Variants in ASXL2 observed in about 807,000 individuals in gnomAD.
ASXL2 encodes the protein ASXL transcriptional regulator 2.
A neutral mutation model predicts 122.0 loss-of-function variants in ASXL2; 23 were observed. The observed-to-expected ratio is 0.19, with a 90% confidence interval of 0.14 to 0.27. The LOEUF (loss-of-function observed/expected upper bound fraction) is 0.27, where lower values mean the gene tolerates loss of function less well. Among genes scored for constraint, ASXL2 ranks in the 10% least tolerant of loss-of-function variants. The pLI is 1.00. For missense variants in ASXL2, 1,518 were observed against 1,713.8 expected (o/e 0.89, Z 2.02); for synonymous variants, 650 against 637.0 (o/e 1.02, Z -0.31).
chr2:25,826,966 CAT>C (rs1474209798), intron 3 of ASXL2, among the ~76,000 whole-genome samples: 3 of 151,252 alleles, frequency 2.0e-5, no homozygotes, highest in Non-Finnish European at 4.4e-5. Flanking sequence ...AGCTGAACCA[CAT>C]GTCTGCATCA....
intron 8 of ASXL2, 101 bp downstream of exon 8, chr2:25,767,482 A>C: frequency 1.6e-6 from 2 of 1,285,608 alleles, no homozygotes. Flanking sequence ...ATGTAACTCA[A>C]ATCTAAGTTA....
At chr2:25,794,434 T>C (rs1001447200) in intron 5 of ASXL2, among the ~76,000 whole-genome samples, 17 of 152,196 alleles carry the variant, frequency 1.1e-4, no homozygotes, top group Non-Finnish European at 2.5e-4. Flanking sequence ...AATAGTGATT[T>C]TCGTATTCAT....
chr2:25,830,407 A>T (rs1384646217), intron 3 of ASXL2, among the ~76,000 whole-genome samples: 1 of 152,144 alleles, frequency 6.6e-6, no homozygotes. Flanking sequence ...CGAGACAGGT[A>T]TATCACCTGA....
intron 1 of ASXL2, among the ~76,000 whole-genome samples, chr2:25,858,072 T>G (rs1276240341): frequency 1.3e-5 from 2 of 152,148 alleles, no homozygotes. Flanking sequence ...GCTCAATAAA[T>G]ATTTAACTAC....
rs376442792 is a variant in ASXL2, at chr2:25,806,216, A to G, written c.252+13T>C. 29 of 1,560,278 alleles carry G rather than the reference A, an allele frequency of 1.9e-5. No homozygotes were observed. The highest frequency in any genetic ancestry group is 1.7e-4 in the Middle Eastern group (1 of 5,930). ...TTTTTTCTTTCTAAATGACTCCCCA[A>G]CAAAATATTTACCTTCAAAGTATAT... On this transcript the variant is annotated intron_variant, in intron 4 of 12. Coordinates refer to ENST00000435504, the MANE Select transcript of ASXL2 (RefSeq NM_018263.6).
At chr2:25,857,170 G>A (rs759559315) in intron 1 of ASXL2, among the ~76,000 whole-genome samples, 3 of 151,156 alleles carry the variant, frequency 2.0e-5, no homozygotes, top group Non-Finnish European at 4.4e-5. Flanking sequence ...TAAGCCATGT[G>A]GTGAGCCATG....
intron 3 of ASXL2, among the ~76,000 whole-genome samples, chr2:25,821,920 C>T (rs892999251): frequency 1.3e-5 from 2 of 152,178 alleles, no homozygotes; most frequent in African/African-American, 4.8e-5. Context: ...AACTGATCTA[C>T]CATGTAAAGA....
intron 11 of ASXL2, among the ~76,000 whole-genome samples, chr2:25,752,200 A>C (rs868342880): frequency 6.6e-6 from 1 of 152,224 alleles, no homozygotes; most frequent in African/African-American, 2.4e-5. Flanking sequence ...GGTCTTCTTA[A>C]GGGCTGCCAT....
rs2087910445 is a variant in ASXL2 at position 25,744,684 on chromosome 2, C to G, written c.1861-208G>C. 6.6e-6 allele frequency among the ~76,000 whole-genome samples: 1 copy of G among 152,160 alleles called. No individual in the cohort carries two copies. On this transcript the variant is annotated intron_variant, in intron 12 of 12. Transcript: ENST00000435504. The surrounding 1 kb of genome is among the most constrained non-coding windows in gnomAD (Gnocchi z 4.7). ...CTTGCATCCACTTTTTCTATTGGTG[C>G]CAAAGACGACTGCTTCCACTCTCAC... is the stretch of plus-strand genomic sequence containing the variant.
chr2:25,782,943 C>G (rs960339458), intron 5 of ASXL2, among the ~76,000 whole-genome samples: 8 of 152,072 alleles, frequency 5.3e-5, no homozygotes, highest in African/African-American at 1.9e-4. Flanking sequence ...ACCTGGCCAA[C>G]ATGGTGAAAC....
intron 1 of ASXL2, among the ~76,000 whole-genome samples, chr2:25,862,867 A>G (rs2089856416): frequency 6.6e-6 from 1 of 151,898 alleles, no homozygotes; most frequent in Non-Finnish European, 1.5e-5. Context: ...CGGCCTCCCA[A>G]AGTGCTGGGA....
intron 4 of ASXL2, among the ~76,000 whole-genome samples, chr2:25,801,640 TG>T (rs1461412287): frequency 6.6e-6 from 1 of 152,234 alleles, no homozygotes; most frequent in Non-Finnish European, 1.5e-5. Flanking sequence ...TCTTAAAATA[TG>T]TGATCCGTAC....
intron 11 of ASXL2, among the ~76,000 whole-genome samples, chr2:25,752,616 G>A (rs1288977530): frequency 6.6e-6 from 1 of 152,132 alleles, no homozygotes; most frequent in Non-Finnish European, 1.5e-5. Context: ...GGGAGGCCGA[G>A]GAGGGCAGAT....
At chr2:25,821,671 A>C (rs1430458519) in intron 3 of ASXL2, among the ~76,000 whole-genome samples, 1 of 152,216 alleles carries the variant, frequency 6.6e-6, no homozygotes, top group Non-Finnish European at 1.5e-5. Context: ...TCCCAGGGTC[A>C]AATAAAACAA....
At chr2:25,864,613 A>G (rs1320667093) in intron 1 of ASXL2, among the ~76,000 whole-genome samples, 1 of 152,072 alleles carries the variant, frequency 6.6e-6, no homozygotes, top group Non-Finnish European at 1.5e-5. Context: ...GTAATCTTTT[A>G]CTTAATCACA....
At chr2:25,753,767 A>G in intron 10 of ASXL2, 128 bp from the exon 11 acceptor site, 1 of 705,930 alleles carries the variant, frequency 1.4e-6, no homozygotes. Flanking sequence ...AAACTCCTCA[A>G]ACCTCCTCAC....
chr2:25,821,394 GA>G (rs987484502), intron 3 of ASXL2, among the ~76,000 whole-genome samples: 323 of 137,578 alleles, frequency 2.3e-3, no homozygotes, highest in Middle Eastern at 0.014. Context: ...GGAAAGGAGG[GA>G]AAAAAAAAAA....
intron 11 of ASXL2, among the ~76,000 whole-genome samples, chr2:25,751,583 G>A (rs2149141747): frequency 1.3e-5 from 2 of 151,568 alleles, no homozygotes; most frequent in East Asian, 1.9e-4. Context: ...ACAGTGAACC[G>A]TGATTGTGCC....
rs544412472 is a variant in ASXL2 at position 25,799,551 on chromosome 2, T to C, written c.253-16A>G. 1.7e-5 allele frequency: 28 copies of C among 1,606,510 alleles called. No homozygotes were observed. The African/African-American group carries it at 3.5e-4, about 20-fold the overall frequency. On this transcript the variant is annotated splice_polypyrimidine_tract_variant and intron_variant, in intron 4 of 12. Coordinates refer to ENST00000435504, the MANE Select transcript of ASXL2 (RefSeq NM_018263.6). ...GCACATCTTTCTGAAAATGTAGGCA[T>C]CCAATTAGGATTAATCATTACCATT...
Sources: allele counts gnomAD v4.1 joint callset (sites outside exome capture counted in the v4.1 genomes callset), GRCh38; gene constraint gnomAD v4.1.1; non-coding constraint Gnocchi (gnomAD v3.1); transcripts MANE v1.5; gene names NCBI Gene and HGNC (gene_info 2026-07-23, HGNC 2026-07-21).